Variants in KHDRBS2 observed in about 807,000 individuals in gnomAD.
The protein encoded by KHDRBS2 is KH RNA binding domain containing, signal transduction associated 2, also known as KH domain-containing, RNA-binding, signal transduction-associated protein 2.
KHDRBS2 carries 26 observed loss-of-function variants against 44.3 expected under a neutral mutation model. That is an observed-to-expected ratio of 0.59 (90% CI 0.43 to 0.81). KHDRBS2 has a LOEUF of 0.81. Ranked by LOEUF, KHDRBS2 falls within the 40% of genes least tolerant of loss-of-function variation. The probability of loss-of-function intolerance (pLI) is 0.00; values close to 1 mark genes in which losing one functional copy is unlikely to be tolerated. For missense variants in KHDRBS2, 476 were observed against 433.1 expected, an observed-to-expected ratio of 1.10 and a Z score of -0.88; for synonymous variants, 194 against 151.1, an observed-to-expected ratio of 1.28 and a Z score of -2.08.
At chr6:61,858,049 G>A (rs1177711282) in intron 6 of KHDRBS2, among the ~76,000 whole-genome samples, 1 of 151,802 alleles carries the variant, frequency 6.6e-6, no homozygotes, top group Non-Finnish European at 1.5e-5. Context: ...AGAATAAAAT[G>A]CATTCAAGAT....
intron 1 of KHDRBS2, among the ~76,000 whole-genome samples, chr6:62,180,916 A>G (rs1176909622): frequency 6.6e-6 from 1 of 151,738 alleles, no homozygotes; most frequent in Non-Finnish European, 1.5e-5. Flanking sequence ...TCTTTGACAC[A>G]GGTGCCAAGA....
chr6:62,199,318 T>C (rs1317617883), intron 1 of KHDRBS2, among the ~76,000 whole-genome samples: 2 of 152,212 alleles, frequency 1.3e-5, no homozygotes, highest in Non-Finnish European at 2.9e-5. Context: ...GCAGATGACA[T>C]GATTGTATAT....
At chr6:61,909,405 T>A (rs116780720) in intron 4 of KHDRBS2, among the ~76,000 whole-genome samples, 1,960 of 152,272 alleles carry the variant, frequency 0.013, 46 homozygotes, top group African/African-American at 0.044. Context: ...GGATTTTATA[T>A]TTATTTTCCT....
At chr6:61,910,427 C>T (rs1931811) in intron 4 of KHDRBS2, among the ~76,000 whole-genome samples, 2,001 of 152,246 alleles carry the variant, frequency 0.013, 155 homozygotes, top group Admixed American at 0.11. Flanking sequence ...GATTGGATAT[C>T]ACAAAGTCAA....
In KHDRBS2 at chr6:61,999,934, A is replaced by T. The variant is rs146309513; in HGVS notation, c.337-21722T>A. 4.8e-3 allele frequency among the ~76,000 whole-genome samples: 727 copies of T among 152,294 alleles called. 7 individuals carry two copies. The highest frequency in any genetic ancestry group is 0.017 in the African/African-American group (690 of 41,580). On this transcript the variant is annotated intron_variant, in intron 3 of 8. Coordinates refer to ENST00000281156, the MANE Select transcript of KHDRBS2 (RefSeq NM_152688.4). The stretch of plus-strand genomic sequence containing the variant: ...CTTATGGTGAAAATCAGTACACATT[A>T]AAGTTATTTTCCCACTACTATAATA...
chr6:61,779,670 G>GTC (rs60084679), intron 6 of KHDRBS2, among the ~76,000 whole-genome samples: 98,784 of 151,706 alleles, frequency 0.65, 32,801 homozygotes, highest in African/African-American at 0.79. Context: ...CAGAAATGAC[G>GTC]TGTTATAATT....
intron 4 of KHDRBS2, among the ~76,000 whole-genome samples, chr6:61,908,461 A>C (rs1805437941): frequency 6.6e-6 from 1 of 151,586 alleles, no homozygotes; most frequent in South Asian, 2.1e-4. Flanking sequence ...GGTGAAACGC[A>C]GTCTCTACTA....
chr6:62,072,163 A>T (rs1272386218), intron 2 of KHDRBS2, among the ~76,000 whole-genome samples: 1 of 152,150 alleles, frequency 6.6e-6, no homozygotes, highest in Non-Finnish European at 1.5e-5. Context: ...GGTGTATAAG[A>T]GTGCTTGTGA....
chr6:62,068,909 T>A (rs1794364092), intron 2 of KHDRBS2, among the ~76,000 whole-genome samples: 1 of 151,748 alleles, frequency 6.6e-6, no homozygotes, highest in Non-Finnish European at 1.5e-5. Flanking sequence ...CTTTGTAGTA[T>A]ATTTTGAAAT....
chr6:62,228,211 G>A (rs910009982), intron 1 of KHDRBS2, among the ~76,000 whole-genome samples: 2 of 152,056 alleles, frequency 1.3e-5, no homozygotes, highest in African/African-American at 4.8e-5. Flanking sequence ...ACTTTTTATT[G>A]GTCTATTCAG....
chr6:62,208,186 C>T (rs1365050369), intron 1 of KHDRBS2, among the ~76,000 whole-genome samples: 1 of 152,160 alleles, frequency 6.6e-6, no homozygotes, highest in African/African-American at 2.4e-5. Flanking sequence ...CCTCCATGTT[C>T]ATCCATGTAG....
At chr6:61,668,290 G>A in the KHDRBS2 span, among the ~76,000 whole-genome samples, 1 of 150,744 alleles carries the variant, frequency 6.6e-6, no homozygotes, top group South Asian at 2.1e-4. Flanking sequence ...CAAATCTTAA[G>A]GTGCATAATA....
chr6:61,783,935 A>G, intron 6 of KHDRBS2, among the ~76,000 whole-genome samples: 1 of 152,016 alleles, frequency 6.6e-6, no homozygotes, highest in Admixed American at 6.6e-5. Context: ...TTTAAATTAT[A>G]AAGTGTGAAT....
At chr6:61,933,053 G>T (rs1324248382) in intron 4 of KHDRBS2, among the ~76,000 whole-genome samples, 1 of 152,164 alleles carries the variant, frequency 6.6e-6, no homozygotes, top group South Asian at 2.1e-4. Context: ...ATAAATAAAA[G>T]AGATTTAACT....
chr6:61,743,235 C>A (rs946529273), intron 6 of KHDRBS2, among the ~76,000 whole-genome samples: 1 of 152,104 alleles, frequency 6.6e-6, no homozygotes, highest in Non-Finnish European at 1.5e-5. Context: ...CAGTATGTGA[C>A]ACACTTACAT....
intron 1 of KHDRBS2, among the ~76,000 whole-genome samples, chr6:62,271,474 T>G (rs1164370136): frequency 2.0e-5 from 3 of 152,220 alleles, no homozygotes; most frequent in Non-Finnish European, 4.4e-5. Context: ...TTTACTGTTA[T>G]TTTAGAATAT....
intron 1 of KHDRBS2, among the ~76,000 whole-genome samples, chr6:62,212,015 A>T: frequency 6.6e-6 from 1 of 152,188 alleles, no homozygotes; most frequent in East Asian, 1.9e-4. Flanking sequence ...AGGTACATGG[A>T]TGGAGCTGGA....
chr6:61,709,000 A>G (rs1390915757), intron 7 of KHDRBS2, among the ~76,000 whole-genome samples: 1 of 151,464 alleles, frequency 6.6e-6, no homozygotes, highest in Non-Finnish European at 1.5e-5. Context: ...AATCTCACCA[A>G]CTCCCAGTTT....
At chr6:62,030,089 G>C (rs1235452215) in intron 3 of KHDRBS2, among the ~76,000 whole-genome samples, 1 of 151,922 alleles carries the variant, frequency 6.6e-6, no homozygotes, top group Non-Finnish European at 1.5e-5. Flanking sequence ...AACTTTTCTG[G>C]AACAGCCACA....
Sources: allele counts gnomAD v4.1 joint callset (sites outside exome capture counted in the v4.1 genomes callset), GRCh38; gene constraint gnomAD v4.1.1; transcripts MANE v1.5; gene names NCBI Gene and HGNC (gene_info 2026-07-23, HGNC 2026-07-21).